MICAL1: variants seen among roughly 807,000 people sequenced by gnomAD.
The protein encoded by MICAL1 is microtubule associated monooxygenase, calponin and LIM domain containing 1, also known as [F-actin]-monooxygenase MICAL1.
In MICAL1, 95 loss-of-function variants were observed where a neutral mutation model predicts 131.8. The ratio of observed to expected loss-of-function variants is 0.72; its 90% confidence interval spans 0.61 to 0.86. The LOEUF is 0.86. Among genes scored for constraint, MICAL1 ranks in the 40% least tolerant of loss-of-function variants. MICAL1 has a pLI of 0.00. For synonymous variants in MICAL1, 546 were observed against 554.2 expected (o/e 0.99, Z 0.21); for missense variants, 1,292 against 1,380.6 (o/e 0.94, Z 1.02).
At chr6:109,456,679 G>A (rs185021986), upstream of MICAL1, among the ~76,000 whole-genome samples, 2 of 152,324 alleles carry the variant, frequency 1.3e-5, no homozygotes, top group Admixed American at 1.3e-4. Flanking sequence ...ATAAGGAACA[G>A]CGCCTAAAGT....
intron 1 of MICAL1, chr6:109,463,599 C>G (rs1200954166): frequency 6.6e-6 from 1 of 152,064 alleles, no homozygotes; most frequent in Non-Finnish European, 1.5e-5. Flanking sequence ...GTCTTAGCTA[C>G]TTGATATGAG....
Position 109,450,483 on chromosome 6 carries a change from T to C in MICAL1, c.1008A>G (p.Ala336=), listed in dbSNP as rs1204108698. ...VPEALQRFTR[A]AADFATHGKL... ...TGCCATGGGTGGCAAAGTCAGCAGCTGCCCGGGTAAAGCGCTGCAGAGCCT... is the reference window on the plus strand; with the variant it reads ...TGCCATGGGTGGCAAAGTCAGCAGCCGCCCGGGTAAAGCGCTGCAGAGCCT... Residue 336 remains alanine (A), a synonymous_variant, in exon 8 of 25, where the codon GCA becomes GCG. Transcript: ENST00000358807. 6.2e-7 allele frequency: 1 copy of C among 1,613,378 alleles called. No individual in the cohort carries two copies. Among genetic ancestry groups the C allele is most frequent in the East Asian group, 2.2e-5 (1 of 44,884 alleles).
chr6:109,448,460 C>A, intron 12 of MICAL1, 67 bp from the exon 13 acceptor site: 1 of 1,564,916 alleles, frequency 6.4e-7, no homozygotes, highest in Non-Finnish European at 8.7e-7. Context: ...GGAGGAAGGG[C>A]AGCAGGAGGG....
At chr6:109,447,581 G>A in intron 15 of MICAL1, 100 bp downstream of exon 15, 4 of 1,576,058 alleles carry the variant, frequency 2.5e-6, no homozygotes, top group Non-Finnish European at 3.5e-6. Context: ...ACAGGACCTG[G>A]GGTGGGGAAC....
chr6:109,453,476 C>T, intron 3 of MICAL1, 109 bp from the exon 4 acceptor site: 1 of 1,502,294 alleles, frequency 6.7e-7, no homozygotes, highest in Non-Finnish European at 9.0e-7. Flanking sequence ...AGCAATCACT[C>T]AGCCCAAAAG....
At position 109,447,231 on chromosome 6, in the gene MICAL1, T is replaced by C. The variant is rs747440236; in HGVS notation, c.2071-2A>G. Reference sequence around the variant, plus strand: ...TGCACACAGGTCCCCAGCACCGGCCTGCGTGGACCCCCAGGACACAGGGTC... The same window carrying C: ...TGCACACAGGTCCCCAGCACCGGCCCGCGTGGACCCCCAGGACACAGGGTC... On this transcript the variant is annotated splice_acceptor_variant, in intron 16 of 24. Coordinates refer to ENST00000358807, the MANE Select transcript of MICAL1 (RefSeq NM_022765.4). LOFTEE classifies it high-confidence loss of function. 9.3e-5 allele frequency: 150 copies of C among 1,613,866 alleles called. No individual in the cohort carries two copies. Among genetic ancestry groups the C allele is most frequent in the Non-Finnish European group, 1.2e-4 (146 of 1,179,906 alleles).
chr6:109,449,335 G>C (rs1775406667), intron 11 of MICAL1, 65 bp downstream of exon 11: 1 of 1,539,564 alleles, frequency 6.5e-7, no homozygotes, highest in Non-Finnish European at 9.0e-7. Context: ...TGCTTTGCAG[G>C]GACCACCTGG....
chr6:109,454,810 G>C (rs970671173), intron 1 of MICAL1: 2 of 152,910 alleles, frequency 1.3e-5, no homozygotes, highest in African/African-American at 2.4e-5. Context: ...CCTCCTGACA[G>C]AGAAACAGCC....
intron 19 of MICAL1, 119 bp from the exon 20 acceptor site, chr6:109,445,981 G>T: frequency 6.7e-7 from 1 of 1,494,930 alleles, no homozygotes; most frequent in Non-Finnish European, 8.9e-7. Context: ...ATGTGTTGGG[G>T]CATGGGAGGA....
Position 109,444,112 on chromosome 6 carries a change from GC to G in MICAL1, c.*78del. The G allele has an allele frequency of 1.9e-6, 3 of 1,544,046 alleles. No individual in the cohort carries two copies. The highest frequency in any genetic ancestry group is 2.6e-6 in the Non-Finnish European group (3 of 1,150,682). On this transcript the variant is annotated 3_prime_UTR_variant, in exon 25 of 25. Transcript: ENST00000358807. ...AAACAGCAAGGCTCTCTGCCAGGCAGCCCAGATGAACAGGGGTGGCACTGTG... is the reference window on the plus strand; with the variant it reads ...AAACAGCAAGGCTCTCTGCCAGGCAGCCAGATGAACAGGGGTGGCACTGTG...
rs377488945 is a variant in MICAL1, at chr6:109,447,673, G to A, written c.1986+8C>T. ...GTAGGAGACCGACCCGCCCCTGCCTGCATTCACCTCCAAGCGCAGCTTCTT... is the reference window on the plus strand; with the variant it reads ...GTAGGAGACCGACCCGCCCCTGCCTACATTCACCTCCAAGCGCAGCTTCTT... On this transcript the variant is annotated splice_region_variant and intron_variant, in intron 15 of 24. Coordinates refer to ENST00000358807, the MANE Select transcript of MICAL1 (RefSeq NM_022765.4). 39 of 1,613,874 alleles carry A rather than the reference G, an allele frequency of 2.4e-5. No individual in the cohort carries two copies. Among genetic ancestry groups the A allele is most frequent in the Non-Finnish European group, 3.1e-5 (36 of 1,179,980 alleles).
rs1582640425 is a variant in MICAL1 at position 109,447,355 on chromosome 6, A to G, written c.2070+2T>C. On this transcript the variant is annotated splice_donor_variant, in intron 16 of 24. Transcript: ENST00000358807. LOFTEE classifies it high-confidence loss of function. ...TGCCTGCACACAAAGCCTGGCTCTCACCTCCTGGTGTTGGGATGGGGGTGT... is the reference window on the plus strand; with the variant it reads ...TGCCTGCACACAAAGCCTGGCTCTCGCCTCCTGGTGTTGGGATGGGGGTGT... The G allele has an allele frequency of 6.2e-7, 1 of 1,612,924 alleles. No individual in the cohort carries two copies.
chr6:109,449,919 A>G, intron 9 of MICAL1, 51 bp downstream of exon 9: 1 of 1,602,850 alleles, frequency 6.2e-7, no homozygotes, highest in South Asian at 1.1e-5. Context: ...CTCTTCCTGA[A>G]CCTTGTCACA....
In MICAL1 at chr6:109,454,014, C is replaced by T. The variant is rs1481579931; in HGVS notation, c.183G>A (p.Lys61=). 1.2e-6 allele frequency: 2 copies of T among 1,614,038 alleles called. No homozygotes were observed. Among genetic ancestry groups the T allele is most frequent in the African/African-American group, 1.3e-5 (1 of 74,944 alleles). Residue 61 remains lysine (K), a synonymous_variant, in exon 2 of 25, where the codon AAG becomes AAA. Coordinates refer to ENST00000358807, the MANE Select transcript of MICAL1 (RefSeq NM_022765.4). ...GCTTGTCCAGCTTGGTCCACAGTGA[C>T]TTGGCGCTCCAGTAGTTGAGCTGGT... ...IKDQLNYWSA[K]SLWTKLDKRA... is the part of the protein sequence containing the mutation.
chr6:109,462,414 G>A (rs1775911243), intron 1 of MICAL1, among the ~76,000 whole-genome samples: 1 of 152,212 alleles, frequency 6.6e-6, no homozygotes, highest in Admixed American at 6.5e-5. Flanking sequence ...AAATCTGTGT[G>A]CCATGACATG....
rs1009508487 is a variant in MICAL1, at chr6:109,450,434, G to T, written c.1057C>A (p.Gln353Lys). ...HGKLGKLEFA[Q>K]DAHGQPDVSA... ...ACATCAGGCTGCCCATGGGCATCCT[G>T]GGCAAACTCTAGTTTCCCGAGCTTG... The change falls in exon 8 of 25, where the codon CAG becomes AAG. Residue 353 changes from glutamine to lysine, a missense_variant. By Grantham distance (53) the Gln-to-Lys change is moderately conservative (BLOSUM62 1). Coordinates refer to ENST00000358807, the MANE Select transcript of MICAL1 (RefSeq NM_022765.4). 3.1e-6 allele frequency: 5 copies of T among 1,613,470 alleles called. No individual in the cohort carries two copies. In the African/African-American group the frequency reaches 6.7e-5, roughly 22 times the overall value.
chr6:109,452,199 CCA>C (rs1454869273), intron 6 of MICAL1, 45 bp downstream of exon 6: 1 of 1,576,698 alleles, frequency 6.3e-7, no homozygotes, highest in African/African-American at 1.4e-5. Context: ...AGGAGCCAGG[CCA>C]CAGTCAGGCA....
rs1413225823 is a variant in MICAL1 at position 109,446,453 on chromosome 6, C to T, written c.2305-41G>A. 4.8e-6 allele frequency: 3 copies of T among 618,838 alleles called. No individual in the cohort carries two copies. The African/African-American group carries it at 1.7e-4, about 36-fold the overall frequency. 38.3% of individuals were successfully genotyped at this position (618,838 alleles called of 1,614,324 possible). On this transcript the variant is annotated intron_variant, in intron 18 of 24. Coordinates refer to ENST00000358807, the MANE Select transcript of MICAL1 (RefSeq NM_022765.4). ...TGTGGAGTGAGGTCGGGGGGTGAGG[C>T]CACCCCTTCGGAGCAAAGGTGAGCC...
intron 7 of MICAL1, 59 bp from the exon 8 acceptor site, chr6:109,450,616 T>TGGGGAGG: frequency 6.5e-7 from 1 of 1,538,540 alleles, no homozygotes; most frequent in Non-Finnish European, 8.8e-7. Context: ...AGTGGGCCAG[T>TGGGGAGG]GCCACCCCCT....
Sources: allele counts gnomAD v4.1 joint callset (sites outside exome capture counted in the v4.1 genomes callset), GRCh38; gene constraint gnomAD v4.1.1; transcripts MANE v1.5; gene names NCBI Gene and HGNC (gene_info 2026-07-23, HGNC 2026-07-21).